NDUFAF6: variants seen among roughly 807,000 people sequenced by gnomAD.
NDUFAF6 encodes NADH dehydrogenase (ubiquinone) complex I, assembly factor 6.
NDUFAF6 carries 45 observed loss-of-function variants against 40.8 expected under a neutral mutation model. The ratio of observed to expected loss-of-function variants is 1.10; its 90% CI spans 0.87 to 1.42. The LOEUF (loss-of-function observed/expected upper bound fraction) is 1.42, where lower values mean the gene tolerates loss of function less well. Ranked by LOEUF, NDUFAF6 falls within the 40% of genes most tolerant of loss-of-function variation. The pLI is 0.00. For missense variants in NDUFAF6, 435 were observed against 418.5 expected, an observed-to-expected ratio of 1.04 and a Z score of -0.34; for synonymous variants, 185 against 155.9, an observed-to-expected ratio of 1.19 and a Z score of -1.39.
rs778983519 is a variant in NDUFAF6 at position 94,940,111 on chromosome 8, C to T, written c.-935-5372C>T. 1.1e-5 allele frequency: 18 copies of T among 1,614,072 alleles called. No individual in the cohort carries two copies. In the South Asian group the frequency reaches 2.0e-4, roughly 18 times the overall value. ...AGGAATCACTTGTATCAGCCAAGCACTCAAGAGATGCCGGTAAACAGGAAA... is the reference window on the plus strand; with the variant it reads ...AGGAATCACTTGTATCAGCCAAGCATTCAAGAGATGCCGGTAAACAGGAAA... On this transcript the variant is annotated intron_variant, in intron 1 of 14. Coordinates refer to the NDUFAF6 transcript ENST00000396113.
At chr8:95,080,969 C>G (rs1314181317), downstream of NDUFAF6, among the ~76,000 whole-genome samples, 1 of 152,088 alleles carries the variant, frequency 6.6e-6, no homozygotes, top group Non-Finnish European at 1.5e-5. Flanking sequence ...CCCACCTAGC[C>G]TCGTACTCAA....
chr8:95,045,506 A>G (rs1171017623), intron 4 of NDUFAF6, 39 bp from the exon 5 acceptor site: 2 of 1,425,394 alleles, frequency 1.4e-6, no homozygotes, highest in South Asian at 1.1e-5. Context: ...TAAAATATTG[A>G]CAGTTCAACA....
chr8:94,899,622 C>G (rs1817885251), intron 1 of NDUFAF6, among the ~76,000 whole-genome samples: 1 of 152,228 alleles, frequency 6.6e-6, no homozygotes. Context: ...CTCCAGCTCA[C>G]CTGTGCTGTG....
intron 9 of NDUFAF6, among the ~76,000 whole-genome samples, chr8:95,066,169 T>C (rs1832697306): frequency 2.0e-5 from 3 of 152,090 alleles, no homozygotes; most frequent in Admixed American, 2.0e-4. Context: ...TGTAGTGCAG[T>C]GGAGTGATCA....
At chr8:94,923,704 G>A (rs1819656675) in intron 1 of NDUFAF6, among the ~76,000 whole-genome samples, 1 of 147,026 alleles carries the variant, frequency 6.8e-6, no homozygotes, top group Non-Finnish European at 1.5e-5. Flanking sequence ...TTTTGAGACA[G>A]AGTCTCGCTC....
intron 1 of NDUFAF6, among the ~76,000 whole-genome samples, chr8:94,959,652 T>C (rs1255732682): frequency 6.6e-6 from 1 of 151,984 alleles, no homozygotes; most frequent in African/African-American, 2.4e-5. Flanking sequence ...CACCTCAGCC[T>C]CCTGAGTAGT....
intron 9 of NDUFAF6, among the ~76,000 whole-genome samples, chr8:95,074,119 C>T (rs1458282310): frequency 1.3e-5 from 2 of 151,864 alleles, no homozygotes; most frequent in Non-Finnish European, 2.9e-5. Context: ...ATGATTTGAT[C>T]GTTGTTGAGG....
At chr8:95,071,447 C>A (rs73278577) in intron 9 of NDUFAF6, among the ~76,000 whole-genome samples, 13,604 of 150,242 alleles carry the variant, frequency 0.091, 1,459 homozygotes, top group African/African-American at 0.26. Context: ...ACTACCAGCA[C>A]TGCACCCTCA....
intron 9 of NDUFAF6, among the ~76,000 whole-genome samples, chr8:95,071,392 C>T (rs1412742953): frequency 2.3e-5 from 3 of 132,496 alleles, no homozygotes; most frequent in Admixed American, 7.8e-5. Context: ...AGCGAGACTC[C>T]GTCTCCAAAA....
At chr8:94,913,786 G>A (rs2945561) in intron 1 of NDUFAF6, among the ~76,000 whole-genome samples, 11,336 of 152,206 alleles carry the variant, frequency 0.074, 540 homozygotes, top group African/African-American at 0.13. Flanking sequence ...GTGACAGAGC[G>A]AGACCTTGTC....
intron 1 of NDUFAF6, among the ~76,000 whole-genome samples, chr8:94,935,574 G>A (rs1208298761): frequency 1.3e-5 from 2 of 152,204 alleles, no homozygotes; most frequent in Non-Finnish European, 2.9e-5. Context: ...AATGGGCAAG[G>A]ATCTATTTCT....
At chr8:94,968,712 A>G (rs779913192) in intron 1 of NDUFAF6, among the ~76,000 whole-genome samples, 6 of 152,198 alleles carry the variant, frequency 3.9e-5, no homozygotes, top group Admixed American at 1.3e-4. Flanking sequence ...TACTTTTAAA[A>G]ATCTACGATG....
At chr8:94,994,770 T>G (rs1280963359) in intron 2 of NDUFAF6, among the ~76,000 whole-genome samples, 2 of 152,064 alleles carry the variant, frequency 1.3e-5, no homozygotes, top group Non-Finnish European at 2.9e-5. Flanking sequence ...GAAATTGAAG[T>G]TACAGTGAAC....
chr8:94,983,399 G>A (rs1350577746), intron 2 of NDUFAF6, among the ~76,000 whole-genome samples: 1 of 151,686 alleles, frequency 6.6e-6, no homozygotes, highest in African/African-American at 2.4e-5. Flanking sequence ...TGAGTAGCTG[G>A]GATTACAGGT....
chr8:94,998,220 T>C (rs980750933), intron 2 of NDUFAF6, among the ~76,000 whole-genome samples: 2 of 152,214 alleles, frequency 1.3e-5, no homozygotes, highest in African/African-American at 2.4e-5. Context: ...TGGAGGAATA[T>C]TTATTAATTA....
chr8:94,915,529 A>T (rs559172617), intron 1 of NDUFAF6, among the ~76,000 whole-genome samples: 1 of 152,218 alleles, frequency 6.6e-6, no homozygotes, highest in Non-Finnish European at 1.5e-5. Flanking sequence ...TGTGATGAAC[A>T]TGCGAGTGCA....
At chr8:95,083,855 T>G (rs1808957103) in intron 2 of NDUFAF6, among the ~76,000 whole-genome samples, 2 of 152,222 alleles carry the variant, frequency 1.3e-5, no homozygotes, top group South Asian at 4.1e-4. Context: ...CATGTTTCGT[T>G]ACCTACATTC....
At chr8:94,995,241 C>G (rs1826371949) in intron 2 of NDUFAF6, among the ~76,000 whole-genome samples, 1 of 152,108 alleles carries the variant, frequency 6.6e-6, no homozygotes, top group Admixed American at 6.5e-5. Flanking sequence ...TGTGGCTCCA[C>G]TCATATGAGG....
chr8:95,010,991 C>T (rs192402568), intron 2 of NDUFAF6, among the ~76,000 whole-genome samples: 40 of 152,314 alleles, frequency 2.6e-4, no homozygotes, highest in Non-Finnish European at 4.7e-4. Context: ...GTCTTCTGTG[C>T]GGCGGAAATG....
Sources: allele counts gnomAD v4.1 joint callset (sites outside exome capture counted in the v4.1 genomes callset), GRCh38; gene constraint gnomAD v4.1.1; transcripts MANE v1.5; gene names NCBI Gene and HGNC (gene_info 2026-07-23, HGNC 2026-07-21).